Variants in SPAG16 observed in about 807,000 individuals in gnomAD.
The protein encoded by SPAG16 is sperm associated antigen 16.
SPAG16 carries 86 observed loss-of-function variants against 80.4 expected under a neutral mutation model. That is an observed-to-expected ratio of 1.07 (90% CI 0.90 to 1.28). The LOEUF (loss-of-function observed/expected upper bound fraction) is 1.28. Among genes scored for constraint, SPAG16 ranks in the 50% most tolerant of loss-of-function variants. The probability of loss-of-function intolerance (pLI) is 0.00; values close to 1 mark genes in which losing one functional copy is unlikely to be tolerated. For synonymous variants in SPAG16, 294 were observed against 265.9 expected, an observed-to-expected ratio of 1.11 and a Z score of -1.03; for missense variants, 870 against 765.3, an observed-to-expected ratio of 1.14 and a Z score of -1.61.
chr2:214,162,499 C>G (rs2056480198), intron 15 of SPAG16, among the ~76,000 whole-genome samples: 1 of 152,028 alleles, frequency 6.6e-6, no homozygotes, highest in Non-Finnish European at 1.5e-5. Context: ...ACAATAATGA[C>G]TATAGAGGGA....
intron 12 of SPAG16, among the ~76,000 whole-genome samples, 155 bp from the exon 13 acceptor site, chr2:214,013,796 G>A (rs2047440590): frequency 6.6e-6 from 1 of 152,200 alleles, no homozygotes; most frequent in East Asian, 1.9e-4. Context: ...AGAATATAAG[G>A]TAGCTATAGA....
intron 15 of SPAG16, among the ~76,000 whole-genome samples, chr2:214,190,586 A>G (rs2057630987): frequency 6.6e-6 from 1 of 152,112 alleles, no homozygotes; most frequent in African/African-American, 2.4e-5. Context: ...ATCATCACAG[A>G]TCAAATCTTT....
At chr2:214,400,948 GAA>G (rs1246372114) in intron 15 of SPAG16, among the ~76,000 whole-genome samples, 1 of 151,984 alleles carries the variant, frequency 6.6e-6, no homozygotes, top group African/African-American at 2.4e-5. Context: ...GCTCACAAAA[GAA>G]AAGTTAGGAC....
At position 214,183,744 on chromosome 2, in the gene SPAG16, G is replaced by A. The variant is rs868797717; in HGVS notation, c.1720+34478G>A. Among the ~76,000 whole-genome samples, 4 of 151,974 alleles carry A rather than the reference G, an allele frequency of 2.6e-5. No homozygotes were observed. The South Asian group carries it at 8.3e-4, about 31-fold the overall frequency. Reference sequence around the variant, plus strand: ...GGCTGATAATATTTTCGTCATCTGTGTAGTCCAAACTTGCAGTGAGAGCCT... The same window carrying A: ...GGCTGATAATATTTTCGTCATCTGTATAGTCCAAACTTGCAGTGAGAGCCT... On this transcript the variant is annotated intron_variant, in intron 15 of 15. Transcript: ENST00000331683.
intron 10 of SPAG16, among the ~76,000 whole-genome samples, chr2:213,575,997 A>G (rs1576039449): frequency 3.3e-5 from 5 of 152,112 alleles, no homozygotes; most frequent in Admixed American, 3.3e-4. Flanking sequence ...AAAAAAAGCA[A>G]CACAAGATTG....
chr2:213,768,807 T>C (rs998223015), intron 10 of SPAG16, among the ~76,000 whole-genome samples: 1 of 152,144 alleles, frequency 6.6e-6, no homozygotes, highest in Non-Finnish European at 1.5e-5. Context: ...TGTATGTCAA[T>C]AGATGTGGCC....
intron 5 of SPAG16, among the ~76,000 whole-genome samples, chr2:213,323,515 A>G (rs2063715651): frequency 1.3e-5 from 2 of 152,356 alleles, no homozygotes; most frequent in Non-Finnish European, 2.9e-5. Flanking sequence ...CTTGCACATT[A>G]CTGGTGGGAA....
intron 10 of SPAG16, among the ~76,000 whole-genome samples, chr2:213,606,292 C>CA (rs1264757335): frequency 4.6e-5 from 7 of 152,150 alleles, no homozygotes; most frequent in Non-Finnish European, 1.5e-5. Flanking sequence ...GATGTATGCT[C>CA]AACAAAGTGG....
At chr2:213,290,546 C>T (rs912556606) in intron 1 of SPAG16, among the ~76,000 whole-genome samples, 1 of 152,182 alleles carries the variant, frequency 6.6e-6, no homozygotes, top group African/African-American at 2.4e-5. Context: ...CACCAGTGTT[C>T]TTCGAAGGAA....
intron 8 of SPAG16, among the ~76,000 whole-genome samples, chr2:213,368,653 T>A (rs942975427): frequency 6.6e-6 from 1 of 152,234 alleles, no homozygotes; most frequent in African/African-American, 2.4e-5. Context: ...CATGATTGTA[T>A]ATTTAGAAAA....
chr2:213,904,776 G>T (rs2077369027), intron 11 of SPAG16, among the ~76,000 whole-genome samples: 1 of 152,098 alleles, frequency 6.6e-6, no homozygotes, highest in African/African-American at 2.4e-5. Flanking sequence ...GATAGCAAGA[G>T]CAAGTCCTTA....
At chr2:213,822,684 G>T (rs1357330495) in intron 10 of SPAG16, among the ~76,000 whole-genome samples, 1 of 152,098 alleles carries the variant, frequency 6.6e-6, no homozygotes, top group Admixed American at 6.6e-5. Context: ...GTGCCATGGT[G>T]GTTTGCTGAA....
At chr2:213,531,898 G>A (rs2076082678) in intron 10 of SPAG16, among the ~76,000 whole-genome samples, 1 of 152,022 alleles carries the variant, frequency 6.6e-6, no homozygotes, top group Admixed American at 6.6e-5. Context: ...AACCATCCCT[G>A]TACCTCTTTG....
chr2:213,378,874 G>A lies in SPAG16; in HGVS notation c.942+3755G>A, dbSNP rs566379003. On this transcript the variant is annotated intron_variant, in intron 9 of 15. Transcript: ENST00000331683. The stretch of plus-strand genomic sequence containing the variant: ...CCAATGACCTTAATCACAGGGCATG[G>A]CAATACTAAGAGACATCCTAGTGGA... Among the ~76,000 whole-genome samples, 9 of 152,286 alleles carry A rather than the reference G, an allele frequency of 5.9e-5. No homozygotes were observed. The South Asian group carries it at 1.7e-3, about 28-fold the overall frequency.
intron 10 of SPAG16, among the ~76,000 whole-genome samples, chr2:213,574,541 A>G (rs2060047248): frequency 6.6e-6 from 1 of 151,922 alleles, no homozygotes; most frequent in South Asian, 2.1e-4. Flanking sequence ...TTACACATGA[A>G]CATGTTCTCA....
chr2:214,383,538 T>C (rs1269813855), intron 15 of SPAG16, among the ~76,000 whole-genome samples: 2 of 141,148 alleles, frequency 1.4e-5, no homozygotes, highest in Non-Finnish European at 3.0e-5. Context: ...ACCACTGCAC[T>C]CCAGCCTGGG....
intron 12 of SPAG16, among the ~76,000 whole-genome samples, chr2:213,983,015 A>G (rs13423671): frequency 0.49 from 73,831 of 151,766 alleles, 19,114 homozygotes; most frequent in South Asian, 0.66. Flanking sequence ...TTGAATGTTT[A>G]CTTTAAATCA....
intron 10 of SPAG16, among the ~76,000 whole-genome samples, chr2:213,753,582 C>G (rs1254710820): frequency 6.6e-5 from 10 of 152,110 alleles, no homozygotes; most frequent in Admixed American, 6.6e-4. Context: ...ATGCTGAAGT[C>G]CCAGTAGCTA....
intron 12 of SPAG16, among the ~76,000 whole-genome samples, chr2:213,995,310 G>A (rs1268665455): frequency 6.6e-5 from 10 of 152,274 alleles, no homozygotes; most frequent in Non-Finnish European, 1.3e-4. Flanking sequence ...AGTATAAGGC[G>A]GGGTGGGGCT....
Sources: gnomAD v4.1 joint callset for allele counts (sites outside exome capture counted in the v4.1 genomes callset) on GRCh38, gnomAD v4.1.1 for gene constraint, MANE v1.5 for transcripts, NCBI Gene and HGNC (gene_info 2026-07-23, HGNC 2026-07-21) for gene names.